CDK14: variants seen among roughly 807,000 people sequenced by gnomAD.
CDK14 encodes cyclin dependent kinase 14, also known as cyclin-dependent kinase 14.
In CDK14, 34 loss-of-function variants were observed where a neutral mutation model predicts 60.7. The ratio of observed to expected loss-of-function variants is 0.56; its 90% CI spans 0.43 to 0.75. CDK14 has a LOEUF of 0.75. Among genes scored for constraint, CDK14 ranks in the 30% least tolerant of loss-of-function variants. The pLI is 0.00. For missense variants in CDK14, 482 were observed against 564.1 expected (o/e 0.85, Z 1.47); for synonymous variants, 197 against 203.7 (o/e 0.97, Z 0.28).
Position 90,628,831 on chromosome 7 carries a change from C to A in CDK14, c.123+24582C>A, listed in dbSNP as rs187106338. On this transcript the variant is annotated intron_variant, in intron 2 of 14. Transcript: ENST00000380050. ...CTCCAGCCTTGGCGACAGAGTGAGA[C>A]CCTGACCCTTAAGAAGAGAGAGAGA... is the stretch of plus-strand genomic sequence containing the variant. Among the ~76,000 whole-genome samples the A allele has an allele frequency of 9.4e-4, 143 of 152,016 alleles. 1 individual carries two copies. The highest frequency in any genetic ancestry group is 3.2e-3 in the African/African-American group (131 of 41,452).
chr7:90,697,459 G>A (rs1801683047), intron 2 of CDK14, among the ~76,000 whole-genome samples: 1 of 152,146 alleles, frequency 6.6e-6, no homozygotes, highest in South Asian at 2.1e-4. Flanking sequence ...GCCTCCCAAA[G>A]TGTTGGGATT....
intron 10 of CDK14, among the ~76,000 whole-genome samples, chr7:91,001,731 C>T (rs1313471121): frequency 2.0e-5 from 3 of 152,178 alleles, no homozygotes; most frequent in Non-Finnish European, 4.4e-5. Flanking sequence ...CTAGCAATGT[C>T]CCAGGAACAA....
intron 4 of CDK14, among the ~76,000 whole-genome samples, chr7:90,759,546 C>G (rs900235947): frequency 6.6e-6 from 1 of 152,312 alleles, no homozygotes; most frequent in Admixed American, 6.5e-5. Flanking sequence ...CTACCTCTCA[C>G]AACCTCAAGA....
intron 11 of CDK14, among the ~76,000 whole-genome samples, chr7:91,075,516 G>A (rs1798275982): frequency 1.3e-5 from 2 of 152,176 alleles, no homozygotes; most frequent in Admixed American, 6.5e-5. Context: ...ATATCATACT[G>A]AATGGGCAAA....
chr7:90,745,359 T>C (rs930316968), intron 3 of CDK14, among the ~76,000 whole-genome samples: 5 of 152,250 alleles, frequency 3.3e-5, no homozygotes, highest in African/African-American at 1.2e-4. Context: ...CTTTTAATTT[T>C]GAAAATATTG....
intron 2 of CDK14, among the ~76,000 whole-genome samples, chr7:90,652,679 A>G (rs147709220): frequency 2.0e-5 from 3 of 152,324 alleles, no homozygotes; most frequent in East Asian, 3.9e-4. Context: ...TACTTCCTGT[A>G]CACAGGCACT....
intron 5 of CDK14, chr7:90,824,712 T>C (rs1179199047): frequency 6.6e-6 from 1 of 152,202 alleles, no homozygotes; most frequent in Non-Finnish European, 1.5e-5. Flanking sequence ...CCATTTTTGA[T>C]CTATGGGGCT....
chr7:91,147,747 C>G (rs43018), intron 14 of CDK14, among the ~76,000 whole-genome samples: 4 of 151,934 alleles, frequency 2.6e-5, no homozygotes, highest in African/African-American at 4.8e-5. Flanking sequence ...CCCTCCCCCC[C>G]ATTAAAGCCT....
intron 2 of CDK14, among the ~76,000 whole-genome samples, chr7:90,722,051 A>G (rs1276427067): frequency 6.6e-6 from 1 of 151,714 alleles, no homozygotes; most frequent in Non-Finnish European, 1.5e-5. Flanking sequence ...TTTTCTCTTC[A>G]TGCACTCTGG....
At chr7:91,183,923 G>T (rs770576078) in intron 14 of CDK14, among the ~76,000 whole-genome samples, 1 of 152,158 alleles carries the variant, frequency 6.6e-6, no homozygotes, top group Non-Finnish European at 1.5e-5. Flanking sequence ...GGCCCAGTGT[G>T]TTGGCTCACA....
chr7:91,117,139 A>C (rs1418013464), intron 13 of CDK14, among the ~76,000 whole-genome samples: 1 of 146,814 alleles, frequency 6.8e-6, no homozygotes, highest in Non-Finnish European at 1.5e-5. Flanking sequence ...TTCCCCTCAA[A>C]CTTGCGCCTT....
chr7:90,614,895 C>G (rs370623712), intron 2 of CDK14, among the ~76,000 whole-genome samples: 1 of 151,976 alleles, frequency 6.6e-6, no homozygotes, highest in Admixed American at 6.6e-5. Context: ...CCACGAGCAT[C>G]CTAAACTTAG....
At position 90,747,758 on chromosome 7, in the gene CDK14, A is replaced by G. The variant is rs145790847; in HGVS notation, c.447A>G (p.Val149=). ...EKLGEGSYAT[V]YKGKSKVNGK... ...TAGGGGAAGGATCTTATGCTACAGT[A>G]TACAAAGGGAAAAGCAAGTAAGTTC... Residue 149 remains valine (V), a synonymous_variant, in exon 4 of 15, where the codon GTA becomes GTG. Transcript: ENST00000380050. The G allele has an allele frequency of 1.1e-4, 176 of 1,572,810 alleles. No homozygotes were observed. The African/African-American group carries it at 2.1e-3, about 19-fold the overall frequency.
At chr7:90,778,846 A>ACCTTCCTTCCTTCCTTCCTTCCTT (rs35971285) in intron 4 of CDK14, among the ~76,000 whole-genome samples, 48 of 127,972 alleles carry the variant, frequency 3.8e-4, no homozygotes, top group South Asian at 5.7e-4. Context: ...AAATTGACCG[A>ACCTTCCTTCCTTCCTTCCTTCCTT]CCTTCCTTCC....
In CDK14 at chr7:90,613,513, C is replaced by G. The variant is rs10274341; in HGVS notation, c.123+9264C>G. Among the ~76,000 whole-genome samples the G allele has an allele frequency of 7.1e-4, 108 of 151,856 alleles. 2 individuals are homozygous for G. The highest frequency in any genetic ancestry group is 2.6e-3 in the African/African-American group (108 of 41,236). ...ACCAGCCTGGCCAACGTAGTGAAAC[C>G]CTGTGTCTACTAAAAATACAAAAAT... is the stretch of plus-strand genomic sequence containing the variant. On this transcript the variant is annotated intron_variant, in intron 2 of 14. Transcript: ENST00000380050.
chr7:91,011,897 T>C (rs1490675854), intron 10 of CDK14, among the ~76,000 whole-genome samples: 2 of 152,166 alleles, frequency 1.3e-5, no homozygotes, highest in Non-Finnish European at 2.9e-5. Context: ...TCTGTCATCT[T>C]TGTCATTTCT....
intron 2 of CDK14, among the ~76,000 whole-genome samples, chr7:90,698,487 G>T (rs1801712391): frequency 6.6e-6 from 1 of 152,140 alleles, no homozygotes; most frequent in Non-Finnish European, 1.5e-5. Context: ...TGCATCATGG[G>T]TGAGTCACCA....
At chr7:90,688,359 C>T (rs1858763) in intron 2 of CDK14, among the ~76,000 whole-genome samples, 88,215 of 151,970 alleles carry the variant, frequency 0.58, 25,831 homozygotes, top group East Asian at 0.77. Context: ...GGAAAAAGCC[C>T]GTCATCTTAC....
intron 10 of CDK14, among the ~76,000 whole-genome samples, chr7:90,999,290 TAAA>T (rs1795776702): frequency 6.6e-6 from 1 of 151,630 alleles, no homozygotes; most frequent in South Asian, 2.1e-4. Context: ...GCTGAAGCAT[TAAA>T]AACCTGTCAC....
Sources: gnomAD v4.1 joint callset for allele counts (sites outside exome capture counted in the v4.1 genomes callset) on GRCh38, gnomAD v4.1.1 for gene constraint, MANE v1.5 for transcripts, NCBI Gene and HGNC (gene_info 2026-07-23, HGNC 2026-07-21) for gene names.